Variants in MPHOSPH9 observed in about 807,000 individuals in gnomAD.
The protein encoded by MPHOSPH9 is M-phase phosphoprotein 9.
Under a neutral mutation model 145.5 loss-of-function variants are expected in MPHOSPH9, and 88 were observed. That is an observed-to-expected ratio of 0.60 (90% CI 0.51 to 0.72). MPHOSPH9 has a LOEUF of 0.72. Among genes scored for constraint, MPHOSPH9 ranks in the 30% least tolerant of loss-of-function variants. The pLI is 0.00. For missense variants in MPHOSPH9, 1,238 were observed against 1,386.6 expected (o/e 0.89, Z 1.70); for synonymous variants, 435 against 486.2 (o/e 0.89, Z 1.39).
In MPHOSPH9 at chr12:123,179,716, T is replaced by TAAA. The variant is rs11380874; in HGVS notation, c.2354+207_2354+209dup. On this transcript the variant is annotated intron_variant, in intron 15 of 23. Transcript: ENST00000606320. ...GCAACATAGTGAGACCCTGTCTCTT[T>TAAA]AAAAAAAAAAAAAAAAAAAGAGAGA... Among the ~76,000 whole-genome samples, 36 of 128,734 alleles carry TAAA rather than the reference T, an allele frequency of 2.8e-4. No homozygotes were observed. In the East Asian group the frequency reaches 3.8e-3, roughly 14 times the overall value. 84.5% of individuals were successfully genotyped at this position (128,734 alleles called of 152,430 possible). A position where few individuals can be genotyped will look rare whatever the true frequency, so the allele number is the denominator to read the frequency against.
chr12:123,189,105 T>C (rs2045569862), intron 13 of MPHOSPH9, among the ~76,000 whole-genome samples: 1 of 152,142 alleles, frequency 6.6e-6, no homozygotes, highest in South Asian at 2.1e-4. Flanking sequence ...GCAATGTAAA[T>C]GTAGCTGTTG....
In MPHOSPH9 at chr12:123,163,015, G is replaced by A. The variant is rs1476941610; in HGVS notation, c.3028C>T (p.Arg1010Ter). The change falls in exon 20 of 24, where the codon CGA becomes TGA. Residue 1010 changes from arginine (R) to a stop codon, truncating the protein, a stop_gained and splice_region_variant. Coordinates refer to ENST00000606320, the MANE Select transcript of MPHOSPH9 (RefSeq NM_022782.4). LOFTEE classifies it high-confidence loss of function. ...ATTCTACAATTTTAGAGAACTTACC[G>A]AATTGGACTGCTCTCATTTTTGCTA... Reference protein sequence around the residue: ...LLSKNESSPIRFDILLDDLDT... With the variant: ...LLSKNESSPI The A allele has an allele frequency of 5.8e-6, 9 of 1,552,890 alleles. No homozygotes were observed. The highest frequency in any genetic ancestry group is 6.9e-6 in the Non-Finnish European group (8 of 1,160,298).
At chr12:123,230,705 C>T (rs539408754) in intron 1 of MPHOSPH9, among the ~76,000 whole-genome samples, 183 bp from the exon 2 acceptor site, 11 of 152,154 alleles carry the variant, frequency 7.2e-5, no homozygotes, top group African/African-American at 2.4e-4. Flanking sequence ...AATGGATAAA[C>T]GAATGAAGCA....
Position 123,230,490 on chromosome 12 carries a change from G to A in MPHOSPH9, c.-126C>T. The A allele has an allele frequency of 3.8e-6, 2 of 525,514 alleles. No individual in the cohort carries two copies. Among genetic ancestry groups the A allele is most frequent in the Non-Finnish European group, 6.6e-6 (2 of 301,038 alleles). The allele number at this position is 525,514 out of a possible 1,614,324, so 32.6% of individuals were successfully genotyped here. A position where few individuals can be genotyped will look rare whatever the true frequency, so the allele number is the denominator to read the frequency against. On this transcript the variant is annotated 5_prime_UTR_variant, in exon 2 of 24. Coordinates refer to ENST00000606320, the MANE Select transcript of MPHOSPH9 (RefSeq NM_022782.4). Reference sequence around the variant, plus strand: ...TGGCATTTTCAGTGGCTAACATTCAGAACTGTGAAATATCCTAAACTTCCA... The same window carrying A: ...TGGCATTTTCAGTGGCTAACATTCAAAACTGTGAAATATCCTAAACTTCCA...
At chr12:123,153,764 CAAAAAAAAAAA>C (rs57564688), downstream of MPHOSPH9, among the ~76,000 whole-genome samples, 6 of 109,338 alleles carry the variant, frequency 5.5e-5, no homozygotes, top group Non-Finnish European at 8.6e-5. Flanking sequence ...GACTCCATCT[CAAAAAAAAAAA>C]AAAAAAAAAA....
At chr12:123,182,504 C>A (rs1480797747) in intron 13 of MPHOSPH9, among the ~76,000 whole-genome samples, 2 of 151,522 alleles carry the variant, frequency 1.3e-5, no homozygotes, top group African/African-American at 4.8e-5. Flanking sequence ...CCTTGGCCTG[C>A]CAAAGTGCTG....
chr12:123,213,017 G>C (rs1057415217), intron 7 of MPHOSPH9, among the ~76,000 whole-genome samples: 2 of 151,332 alleles, frequency 1.3e-5, no homozygotes, highest in Non-Finnish European at 2.9e-5. Flanking sequence ...CCGCCACCAA[G>C]CCCAGCTAAT....
At chr12:123,172,187 CTT>C (rs1408399399) in intron 16 of MPHOSPH9, among the ~76,000 whole-genome samples, 2 of 152,162 alleles carry the variant, frequency 1.3e-5, no homozygotes, top group African/African-American at 2.4e-5. Flanking sequence ...AGAGTAAACA[CTT>C]GAGGTTTTAT....
Position 123,205,843 on chromosome 12 carries a change from G to A in MPHOSPH9, c.1195-2468C>T, listed in dbSNP as rs1037545674. On this transcript the variant is annotated intron_variant, in intron 8 of 23. Coordinates refer to ENST00000606320, the MANE Select transcript of MPHOSPH9 (RefSeq NM_022782.4). The stretch of plus-strand genomic sequence containing the variant: ...AATTGCTATTGCTTTGGGCCAAGTT[G>A]TGGTTGTGACAGACTGTCATTCCCT... Among the ~76,000 whole-genome samples, 4 of 152,180 alleles carry A rather than the reference G, an allele frequency of 2.6e-5. No homozygotes were observed. In the East Asian group the frequency reaches 7.7e-4, roughly 29 times the overall value.
At chr12:123,216,494 G>C (rs2046965437) in intron 6 of MPHOSPH9, among the ~76,000 whole-genome samples, 1 of 152,072 alleles carries the variant, frequency 6.6e-6, no homozygotes, top group South Asian at 2.1e-4. Context: ...CCATTTCAAT[G>C]TGTTATACTA....
intron 23 of MPHOSPH9, among the ~76,000 whole-genome samples, chr12:123,158,181 G>T (rs2043952595): frequency 6.6e-6 from 1 of 151,988 alleles, no homozygotes; most frequent in Admixed American, 6.6e-5. Flanking sequence ...GTAGAGACAG[G>T]GTTTCGCCAT....
intron 1 of MPHOSPH9, 159 bp downstream of exon 1, chr12:123,232,916 C>T (rs2047728539): frequency 6.6e-6 from 1 of 152,376 alleles, no homozygotes; most frequent in Non-Finnish European, 1.5e-5. Context: ...GCAGAGCTCC[C>T]ACACGCCGAA....
chr12:123,173,628 A>T (rs1479681852), intron 16 of MPHOSPH9, among the ~76,000 whole-genome samples: 1 of 152,126 alleles, frequency 6.6e-6, no homozygotes, highest in South Asian at 2.1e-4. Flanking sequence ...CTGTCCAATG[A>T]AACCTCCATA....
At chr12:123,220,220 GAAAC>G (rs2047140165) in intron 5 of MPHOSPH9, among the ~76,000 whole-genome samples, 2 of 151,350 alleles carry the variant, frequency 1.3e-5, no homozygotes, top group African/African-American at 4.9e-5. Context: ...CAGAACAAAA[GAAAC>G]AAACAAAAAC....
intron 16 of MPHOSPH9, among the ~76,000 whole-genome samples, chr12:123,171,169 C>T (rs2044560673): frequency 6.6e-6 from 1 of 151,988 alleles, no homozygotes. Context: ...AAATATCAGC[C>T]GGGGCCAGGT....
chr12:123,195,464 T>C (rs2045903713), intron 12 of MPHOSPH9, among the ~76,000 whole-genome samples: 1 of 151,704 alleles, frequency 6.6e-6, no homozygotes, highest in Non-Finnish European at 1.5e-5. Flanking sequence ...CAGGCGCCTG[T>C]AATCCCAGCT....
chr12:123,231,919 G>A (rs75037792), intron 1 of MPHOSPH9, among the ~76,000 whole-genome samples: 7,063 of 147,594 alleles, frequency 0.048, 310 homozygotes, highest in East Asian at 0.27. Context: ...AGTGCAACAG[G>A]AATATTATCT....
intron 15 of MPHOSPH9, among the ~76,000 whole-genome samples, chr12:123,179,151 G>A (rs1593109707): frequency 6.6e-6 from 1 of 152,180 alleles, no homozygotes; most frequent in Non-Finnish European, 1.5e-5. Context: ...TTTGAAGCCA[G>A]GTGCAGTAGC....
At chr12:123,202,418 T>A in intron 10 of MPHOSPH9, 99 bp from the exon 11 acceptor site, 19 of 1,306,976 alleles carry the variant, frequency 1.5e-5, no homozygotes, top group Non-Finnish European at 2.0e-5. Context: ...TGGGCAAAAA[T>A]ATAGCATATT....
Sources: allele counts gnomAD v4.1 joint callset (sites outside exome capture counted in the v4.1 genomes callset), GRCh38; gene constraint gnomAD v4.1.1; transcripts MANE v1.5; gene names NCBI Gene and HGNC (gene_info 2026-07-23, HGNC 2026-07-21).